Variants in SHC2 observed in about 807,000 individuals in gnomAD.
The protein encoded by SHC2 is SHC-transforming protein 2.
A neutral mutation model predicts 60.6 loss-of-function variants in SHC2; 62 were observed. That is an observed-to-expected ratio of 1.02 (90% CI 0.83 to 1.26). The LOEUF is 1.26. SHC2 is among the 50% of genes most tolerant of loss of function. The pLI, the probability that SHC2 is intolerant of heterozygous loss-of-function variation, is 0.00. For synonymous variants in SHC2, 375 were observed against 372.4 expected, an observed-to-expected ratio of 1.01 and a Z score of -0.08; for missense variants, 873 against 822.2, an observed-to-expected ratio of 1.06 and a Z score of -0.76.
In SHC2 at chr19:430,729, T is replaced by G; in HGVS notation, c.1129A>C (p.Arg377=). Reference sequence around the variant, plus strand: ...TCCCATGGCAGGCTGCAGGCATCTCTTAGAGAAGGAGATGGGCCCTGGAAA... The same window carrying G: ...TCCCATGGCAGGCTGCAGGCATCTCGTAGAGAAGGAGATGGGCCCTGGAAA... ...ALDQGPSPSL[R]DACSLPWDVG... The change falls in exon 9 of 13, where the codon AGA becomes CGA. Residue 377 remains arginine (R), a synonymous_variant. Transcript: ENST00000264554. 6.2e-7 allele frequency: 1 copy of G among 1,613,028 alleles called. No homozygotes were observed. The highest frequency in any genetic ancestry group is 8.5e-7 in the Non-Finnish European group (1 of 1,179,774).
intron 12 of SHC2, among the ~76,000 whole-genome samples, chr19:417,744 G>A (rs1025961988): frequency 6.6e-6 from 1 of 152,154 alleles, no homozygotes; most frequent in Non-Finnish European, 1.5e-5. Flanking sequence ...GCCACAGGCC[G>A]CAGGCAGTTT....
intron 11 of SHC2, among the ~76,000 whole-genome samples, chr19:420,226 G>A (rs986664984): frequency 6.6e-5 from 10 of 152,180 alleles, no homozygotes; most frequent in African/African-American, 2.4e-5. Context: ...ACCAGAAACA[G>A]TCTGAGGGGG....
intron 4 of SHC2, among the ~76,000 whole-genome samples, chr19:437,271 C>T (rs1053579057): frequency 1.4e-5 from 2 of 147,414 alleles, no homozygotes; most frequent in Non-Finnish European, 2.9e-5. Flanking sequence ...TGCTCGTCTG[C>T]GTGCTCGTCT....
chr19:457,441 T>C (rs1193739341), intron 1 of SHC2, among the ~76,000 whole-genome samples: 1 of 152,164 alleles, frequency 6.6e-6, no homozygotes, highest in Admixed American at 6.5e-5. Flanking sequence ...AGCTTCAAGG[T>C]CGCCTCCTGG....
At position 446,415 on chromosome 19, in the gene SHC2, A is replaced by G. The variant is rs958056250; in HGVS notation, c.469-5483T>C. On this transcript the variant is annotated intron_variant, in intron 1 of 12. Coordinates refer to ENST00000264554, the MANE Select transcript of SHC2 (RefSeq NM_012435.3). This position sits in a 1 kb window ranked among gnomAD's most constrained non-coding sequence, Gnocchi z 5.4. ...AACTTCCGCCTCCCGGGTTCACACC[A>G]TTCTCCTGTCTCAGCCTCCTGAGTA... 3.3e-5 allele frequency among the ~76,000 whole-genome samples: 5 copies of G among 152,072 alleles called. No homozygotes were observed. The highest frequency in any genetic ancestry group is 1.5e-5 in the Non-Finnish European group (1 of 68,012).
intron 1 of SHC2, among the ~76,000 whole-genome samples, chr19:458,136 TGGGTTCCGGGGAGACGGAAGC>T (rs1354735951): frequency 7.0e-4 from 61 of 86,754 alleles, no homozygotes; most frequent in African/African-American, 2.5e-3. Flanking sequence ...GAGGCGGAAG[TGGGTTCCGGGGAGACGGAAGC>T]GGGTTCCGGG....
chr19:448,316 G>A (rs1465238106), intron 1 of SHC2, among the ~76,000 whole-genome samples: 2 of 152,168 alleles, frequency 1.3e-5, no homozygotes, highest in African/African-American at 2.4e-5. Context: ...GTCAAGCTGC[G>A]GGCAGGGCCT....
chr19:449,449 AT>A (rs767679266), intron 1 of SHC2, among the ~76,000 whole-genome samples: 5 of 152,336 alleles, frequency 3.3e-5, no homozygotes, highest in African/African-American at 4.8e-5. Flanking sequence ...AACTGGTCAC[AT>A]TTGAATACGC....
chr19:434,849 C>G lies in SHC2; in HGVS notation c.970G>C (p.Glu324Gln). 6.2e-7 allele frequency: 1 copy of G among 1,611,130 alleles called. No homozygotes were observed. ...LPPERLAGPE[E>Q]SAWGDEEDSL... ...TCCTCCTCGTCCCCCCAGGCCGACT[C>G]CTCCGGCCCTGCCAGCCTGGGGGAC... Residue 324 changes from glutamate to glutamine, a missense_variant, in exon 8 of 13, where the codon GAG (glutamate) becomes CAG (glutamine). Transcript: ENST00000264554.
chr19:431,107 G>A (rs549230414), intron 8 of SHC2, among the ~76,000 whole-genome samples: 1 of 152,212 alleles, frequency 6.6e-6, no homozygotes, highest in Admixed American at 6.5e-5. Flanking sequence ...CCTCCGGACC[G>A]CCCTACAGAG....
chr19:425,141 G>C lies in SHC2; in HGVS notation c.1265C>G (p.Ala422Gly). The C allele has an allele frequency of 7.1e-7, 1 of 1,398,788 alleles. No homozygotes were observed. Among genetic ancestry groups the C allele is most frequent in the South Asian group, 1.8e-5 (1 of 55,428 alleles). The allele number at this position is 1,398,788 out of a possible 1,614,324, so 86.6% of individuals were successfully genotyped here. The change falls in exon 10 of 13, where the codon GCC (alanine) becomes GGC (glycine). Residue 422 changes from alanine to glycine, a missense_variant. By Grantham distance (60) the Ala-to-Gly change is moderately conservative (BLOSUM62 0). Coordinates refer to ENST00000264554, the MANE Select transcript of SHC2 (RefSeq NM_012435.3). The surrounding 1 kb of genome is among the most constrained non-coding windows in gnomAD (Gnocchi z 4.1). ...TTTGGGGCTGTCCTCCGGCTCGGGG[G>C]CGTCCAGACCCTGGGTGTTGACATA... The part of the protein sequence containing the change: ...HLYVNTQGLD[A>G]PEPEDSPKKD...
rs1974402204 is a variant in SHC2 at position 425,820 on chromosome 19, G to A, written c.1175-589C>T. ...GAGGTGGGTGAATCATTTGAGGTCA[G>A]GAGTTCGAGACCAGCCTGGCCAACA... On this transcript the variant is annotated intron_variant, in intron 9 of 12. Coordinates refer to ENST00000264554, the MANE Select transcript of SHC2 (RefSeq NM_012435.3). The surrounding 1 kb of genome is among the most constrained non-coding windows in gnomAD (Gnocchi z 4.1). Among the ~76,000 whole-genome samples the A allele has an allele frequency of 6.6e-6, 1 of 152,108 alleles. No individual in the cohort carries two copies. The highest frequency in any genetic ancestry group is 1.5e-5 in the Non-Finnish European group (1 of 68,016).
At chr19:418,827 G>A (rs756808247) in intron 12 of SHC2, 96 bp downstream of exon 12, 17 of 1,403,136 alleles carry the variant, frequency 1.2e-5, no homozygotes, top group Admixed American at 6.4e-5. Context: ...CCTCTAGAGG[G>A]AAAGGCACGG....
chr19:434,610 A>G lies in SHC2; in HGVS notation c.1110+99T>C, dbSNP rs566842638. 1.1e-4 allele frequency: 108 copies of G among 1,018,612 alleles called. No individual in the cohort carries two copies. The South Asian group carries it at 1.9e-3, about 18-fold the overall frequency. 63.1% of individuals were successfully genotyped at this position (1,018,612 alleles called of 1,614,324 possible). A position where few individuals can be genotyped will look rare whatever the true frequency, so the allele number is the denominator to read the frequency against. On this transcript the variant is annotated intron_variant, in intron 8 of 12. Transcript: ENST00000264554. ...TCTGAGTGAGAGACCCTCCTCTAGG[A>G]TCGAGGAGAACAGGAGCAGAAAGAA...
In SHC2 at chr19:460,657, C is replaced by T; in HGVS notation, c.340G>A (p.Ala114Thr). Residue 114 changes from alanine (A) to threonine (T), a missense_variant, in exon 1 of 13, where the codon GCG becomes ACG. Coordinates refer to ENST00000264554, the MANE Select transcript of SHC2 (RefSeq NM_012435.3). ...SRGSRGGRGA[A>T]GSGDAAAAAE... ...GCGGCGGCGGCGTCCCCGGACCCCG[C>T]CGCCCCCCGCCCGCCCCGCGACCCC... 1 of 1,159,606 alleles carries T rather than the reference C, an allele frequency of 8.6e-7. No individual in the cohort carries two copies. Among genetic ancestry groups the T allele is most frequent in the Non-Finnish European group, 1.1e-6 (1 of 943,008 alleles). 71.8% of individuals were successfully genotyped at this position (1,159,606 alleles called of 1,614,324 possible). A position where few individuals can be genotyped will look rare whatever the true frequency, so the allele number is the denominator to read the frequency against.
chr19:455,092 A>G (rs1975306080), intron 1 of SHC2, among the ~76,000 whole-genome samples: 1 of 152,234 alleles, frequency 6.6e-6, no homozygotes, highest in African/African-American at 2.4e-5. Context: ...GTTCCACAGA[A>G]GGCCTCATTT....
intron 4 of SHC2, among the ~76,000 whole-genome samples, chr19:437,140 A>T (rs1264953529): frequency 6.6e-6 from 1 of 152,180 alleles, no homozygotes; most frequent in African/African-American, 2.4e-5. Flanking sequence ...GCTTATCTGC[A>T]TGCTCATTTG....
chr19:454,851 C>T (rs1975297299), intron 1 of SHC2, among the ~76,000 whole-genome samples: 1 of 152,186 alleles, frequency 6.6e-6, no homozygotes, highest in East Asian at 1.9e-4. Context: ...GGAAGCCCGT[C>T]CCCTCTGGAG....
At chr19:434,941 G>T (rs1974682623) in intron 7 of SHC2, 76 bp from the exon 8 acceptor site, 1 of 1,462,872 alleles carries the variant, frequency 6.8e-7, no homozygotes, top group Non-Finnish European at 9.2e-7. Context: ...GAGCTTCTGG[G>T]GGAGCAGGAA....
Sources: allele counts gnomAD v4.1 joint callset (sites outside exome capture counted in the v4.1 genomes callset), GRCh38; gene constraint gnomAD v4.1.1; non-coding constraint Gnocchi (gnomAD v3.1); transcripts MANE v1.5; gene names NCBI Gene and HGNC (gene_info 2026-07-23, HGNC 2026-07-21).